The following WNK3 variants were observed in gnomAD, a reference collection of about 807,000 sequenced individuals.
WNK3 encodes serine/threonine-protein kinase WNK3.
WNK3 carries 18 observed loss-of-function variants against 116.7 expected under a neutral mutation model. The ratio of observed to expected loss-of-function variants is 0.15; its 90% CI spans 0.11 to 0.23. The LOEUF is 0.23. Ranked by LOEUF, WNK3 falls within the 10% of genes least tolerant of loss-of-function variation. The pLI, the probability that WNK3 is intolerant of heterozygous loss-of-function variation, is 1.00. For missense variants in WNK3, 993 were observed against 1,323.8 expected (o/e 0.75, Z 3.88); for synonymous variants, 404 against 469.4 (o/e 0.86, Z 1.80).
intron 1 of WNK3, among the ~76,000 whole-genome samples, chrX:54,340,331 C>T (rs782583136): frequency 1.4e-4 from 15 of 110,588 alleles, no homozygotes; most frequent in Admixed American, 3.9e-4. Flanking sequence ...CAATAATGGC[C>T]GGGTGCATTG....
intron 2 of WNK3, among the ~76,000 whole-genome samples, chrX:54,327,708 G>GTGGT (rs2069122329): frequency 9.0e-6 from 1 of 110,729 alleles, no homozygotes; most frequent in Non-Finnish European, 1.9e-5. Context: ...AGGCCAGGTG[G>GTGGT]TGGTGGCTCA....
At chrX:54,286,221 G>A (rs1557163907) in intron 10 of WNK3, among the ~76,000 whole-genome samples, 3 of 110,082 alleles carry the variant, frequency 2.7e-5, no homozygotes, top group Non-Finnish European at 1.9e-5. Flanking sequence ...AAAAAGGTGG[G>A]GGGGGAGAAG....
At chrX:54,220,319 T>A (rs1483637689) in intron 22 of WNK3, among the ~76,000 whole-genome samples, 1 of 110,901 alleles carries the variant, frequency 9.0e-6, no homozygotes, top group African/African-American at 3.3e-5. Flanking sequence ...TTTGGGAGGC[T>A]GATGTGGGCA....
At chrX:54,331,037 A>T (rs2069163919) in intron 2 of WNK3, among the ~76,000 whole-genome samples, 1 of 108,275 alleles carries the variant, frequency 9.2e-6, no homozygotes, top group Non-Finnish European at 1.9e-5. Flanking sequence ...AAAAATTAAT[A>T]AAATAAATAA....
At chrX:54,259,274 C>T (rs1557156205) in exon 11 of WNK3, 5 of 1,182,955 alleles carry the variant, frequency 4.2e-6, no homozygotes, top group Admixed American at 2.2e-5. Context: ...AGATACTTAC[C>T]TTCGAACTAA....
intron 21 of WNK3, among the ~76,000 whole-genome samples, chrX:54,229,953 T>C (rs111365819): frequency 4.7e-4 from 53 of 111,725 alleles, no homozygotes; most frequent in Non-Finnish European, 8.5e-4. Flanking sequence ...CTTTGTGACC[T>C]GTGTTTAGCC....
intron 22 of WNK3, among the ~76,000 whole-genome samples, chrX:54,211,534 G>A (rs1163934679): frequency 9.1e-6 from 1 of 110,347 alleles, no homozygotes; most frequent in African/African-American, 3.3e-5. Flanking sequence ...GATAATGAGT[G>A]GTGGCACACA....
chrX:54,326,458 T>C (rs2147237726), intron 2 of WNK3, among the ~76,000 whole-genome samples: 1 of 110,811 alleles, frequency 9.0e-6, no homozygotes, highest in Non-Finnish European at 1.9e-5. Flanking sequence ...AATCCCAGTG[T>C]TTTTGGAGGC....
intron 2 of WNK3, among the ~76,000 whole-genome samples, chrX:54,324,694 CTAT>C (rs781920302): frequency 1.8e-5 from 2 of 112,290 alleles, no homozygotes; most frequent in South Asian, 7.4e-4. Flanking sequence ...CTGAATCAGA[CTAT>C]TTGGCGTGTG....
intron 10 of WNK3, among the ~76,000 whole-genome samples, chrX:54,275,505 G>A (rs1237066134): frequency 1.1e-5 from 1 of 92,567 alleles, no homozygotes; most frequent in Non-Finnish European, 2.1e-5. Flanking sequence ...TAAGAAAACT[G>A]TACAGTATAA....
At chrX:54,258,331 C>G (rs1557156009) in intron 11 of WNK3, among the ~76,000 whole-genome samples, 1 of 99,807 alleles carries the variant, frequency 1.0e-5, no homozygotes, top group Non-Finnish European at 2.0e-5. Flanking sequence ...AATTATCTAA[C>G]AAGAATTTTA....
exon 17 of WNK3, chrX:54,249,215 A>G (rs781852931): frequency 2.5e-6 from 3 of 1,210,073 alleles, no homozygotes; most frequent in Non-Finnish European, 3.4e-6. Flanking sequence ...TGCTGTACTG[A>G]TAAGGTTTGA....
intron 10 of WNK3, among the ~76,000 whole-genome samples, chrX:54,266,271 TAGA>T (rs1406586734): frequency 1.8e-5 from 2 of 109,956 alleles, no homozygotes; most frequent in African/African-American, 6.6e-5. Context: ...AGATAGAAAG[TAGA>T]AGGATGGTTA....
At chrX:54,279,055 C>T (rs112682520) in intron 10 of WNK3, among the ~76,000 whole-genome samples, 2 of 108,682 alleles carry the variant, frequency 1.8e-5, no homozygotes, top group South Asian at 3.8e-4. Context: ...GCGACAAGAG[C>T]GAAACTCCAT....
chrX:54,272,322 G>A (rs1353725860), intron 10 of WNK3, among the ~76,000 whole-genome samples: 3 of 111,113 alleles, frequency 2.7e-5, no homozygotes, highest in Non-Finnish European at 5.7e-5. Context: ...CCATTAGAAT[G>A]CCTCAGACTC....
At chrX:54,265,668 CTA>C (rs2068301750) in intron 10 of WNK3, among the ~76,000 whole-genome samples, 1 of 112,103 alleles carries the variant, frequency 8.9e-6, no homozygotes, top group Non-Finnish European at 1.9e-5. Flanking sequence ...CATTTTAAAA[CTA>C]TCACTGCTTC....
At chrX:54,249,090 G>C in exon 17 of WNK3, 4 of 1,211,911 alleles carry the variant, frequency 3.3e-6, no homozygotes, top group Non-Finnish European at 4.5e-6. Context: ...TGGGTTGAAG[G>C]GTAGTTGGTT....
rs956520969 is a variant in WNK3 at position 54,251,465 on chromosome X, A to G, written c.2524-15T>C. ...GATGACCCTGTCTGAATTAAAAATG[A>G]ATAGATAAATTAAAAAGTTCCTGAT... On this transcript the variant is annotated splice_polypyrimidine_tract_variant and intron_variant, in intron 14 of 23. Transcript: ENST00000354646. The G allele has an allele frequency of 4.2e-6, 5 of 1,189,301 alleles. No individual in the cohort carries two copies. The African/African-American group carries it at 8.8e-5, about 21-fold the overall frequency.
intron 10 of WNK3, among the ~76,000 whole-genome samples, chrX:54,276,828 G>C (rs963437344): frequency 9.2e-6 from 1 of 108,924 alleles, no homozygotes; most frequent in Non-Finnish European, 1.9e-5. Context: ...AATTCTCCCT[G>C]CCTCAACCTC....
Sources: allele counts gnomAD v4.1 joint callset (sites outside exome capture counted in the v4.1 genomes callset), GRCh38; gene constraint gnomAD v4.1.1; transcripts MANE v1.5; gene names NCBI Gene and HGNC (gene_info 2026-07-23, HGNC 2026-07-21).